FBXL13: variants seen among roughly 807,000 people sequenced by gnomAD.
FBXL13 encodes the protein F-box and leucine rich repeat protein 13, also known as F-box and leucine-rich repeat protein 13.
A neutral mutation model predicts 83.6 loss-of-function variants in FBXL13; 67 were observed. The observed-to-expected ratio is 0.80, with a 90% CI of 0.66 to 0.98. The LOEUF (loss-of-function observed/expected upper bound fraction) is 0.98. Among genes scored for constraint, FBXL13 ranks in the 50% least tolerant of loss-of-function variants. The pLI is 0.00. For missense variants in FBXL13, 822 were observed against 866.5 expected, an observed-to-expected ratio of 0.95 and a Z score of 0.64; for synonymous variants, 272 against 299.5, an observed-to-expected ratio of 0.91 and a Z score of 0.95.
At chr7:103,006,126 C>A (rs529695327) in intron 6 of FBXL13, among the ~76,000 whole-genome samples, 1 of 152,122 alleles carries the variant, frequency 6.6e-6, no homozygotes, top group Non-Finnish European at 1.5e-5. Context: ...TACTTGGGGG[C>A]GTATATTAGC....
rs1171842888 is a variant in FBXL13 at position 102,834,382 on chromosome 7, ATATATATATATATTATATGCGAT to A, written c.1720-1431_1720-1409del. Among the ~76,000 whole-genome samples, 12 of 143,384 alleles carry A rather than the reference ATATATATATATATTATATGCGAT, an allele frequency of 8.4e-5. 1 individual carries two copies. The highest frequency in any genetic ancestry group is 3.2e-4 in the African/African-American group (12 of 37,588). 94.1% of individuals were successfully genotyped at this position (143,384 alleles called of 152,430 possible). A position where few individuals can be genotyped will look rare whatever the true frequency, so the allele number is the denominator to read the frequency against. On this transcript the variant is annotated intron_variant, in intron 17 of 19. Transcript: ENST00000313221. The stretch of plus-strand genomic sequence containing the variant: ...GATACTTCTTATTTATATATAAATT[ATATATATATATATTATATGCGAT>A]TATATATATATTATATATATGTGTG...
intron 8 of FBXL13, among the ~76,000 whole-genome samples, chr7:102,936,543 T>A: frequency 6.6e-6 from 1 of 152,226 alleles, no homozygotes; most frequent in South Asian, 2.1e-4. Context: ...GAGTCCTTAG[T>A]GCTTCATGCT....
chr7:102,992,059 C>T (rs997237829), intron 6 of FBXL13, among the ~76,000 whole-genome samples: 1 of 151,988 alleles, frequency 6.6e-6, no homozygotes, highest in Admixed American at 6.5e-5. Context: ...TTTTAATTTC[C>T]CACTGATACT....
At chr7:103,032,813 C>T (rs1007046229) in intron 2 of FBXL13, among the ~76,000 whole-genome samples, 6 of 152,138 alleles carry the variant, frequency 3.9e-5, no homozygotes, top group Non-Finnish European at 7.4e-5. Flanking sequence ...GAGGATCCCT[C>T]GAGCTCACGA....
At chr7:102,856,585 T>C (rs1265361004) in intron 16 of FBXL13, among the ~76,000 whole-genome samples, 1 of 152,194 alleles carries the variant, frequency 6.6e-6, no homozygotes, top group African/African-American at 2.4e-5. Flanking sequence ...AAAATTAAAA[T>C]ATTAAAACAG....
rs1176327454 is a variant in FBXL13 at position 102,923,684 on chromosome 7, C to T, written c.878+2590G>A. 3.3e-5 allele frequency among the ~76,000 whole-genome samples: 5 copies of T among 151,766 alleles called. No homozygotes were observed. The East Asian group carries it at 7.8e-4, about 24-fold the overall frequency. ...AAAAATACAAAAAAACTTAGCCAGG[C>T]GTGGTGGCGGGCGCCTGTAATCCCA... On this transcript the variant is annotated intron_variant, in intron 10 of 19. Transcript: ENST00000313221.
chr7:103,058,621 C>A (rs1330777126), intron 1 of FBXL13, among the ~76,000 whole-genome samples: 8 of 152,120 alleles, frequency 5.3e-5, no homozygotes, highest in Admixed American at 5.2e-4. Context: ...TTCTGGCACC[C>A]TGAGGACATC....
intron 5 of FBXL13, among the ~76,000 whole-genome samples, chr7:103,026,822 C>A (rs1451528297): frequency 6.6e-6 from 1 of 152,048 alleles, no homozygotes. Flanking sequence ...TCCTATCTAC[C>A]CTTACTTTAT....
At chr7:102,992,788 A>G (rs115032154) in intron 6 of FBXL13, among the ~76,000 whole-genome samples, 1,677 of 152,234 alleles carry the variant, frequency 0.011, 35 homozygotes, top group African/African-American at 0.039. Context: ...TGTATTTTTC[A>G]TAGAGACACA....
chr7:103,070,392 C>T (rs1798832915), intron 1 of FBXL13, among the ~76,000 whole-genome samples: 1 of 152,016 alleles, frequency 6.6e-6, no homozygotes, highest in Admixed American at 6.6e-5. Context: ...CCACACCTGG[C>T]AAATTTTTGT....
intron 17 of FBXL13, among the ~76,000 whole-genome samples, chr7:102,842,318 A>G (rs1210545148): frequency 6.6e-6 from 1 of 152,218 alleles, no homozygotes; most frequent in Non-Finnish European, 1.5e-5. Flanking sequence ...TAATTACTGA[A>G]TGACTTAATC....
intron 8 of FBXL13, among the ~76,000 whole-genome samples, chr7:102,940,217 GT>G (rs200641926): frequency 2.4e-4 from 28 of 117,526 alleles, no homozygotes; most frequent in African/African-American, 2.9e-4. Flanking sequence ...TTTTTTGTTT[GT>G]TTTTTTTTTT....
chr7:102,983,418 TC>T (rs111469735), intron 6 of FBXL13, among the ~76,000 whole-genome samples: 24,844 of 136,736 alleles, frequency 0.18, 2,827 homozygotes, highest in East Asian at 0.57. Flanking sequence ...TTTTCTTTTT[TC>T]CCCTTTTTTT....
chr7:103,038,587 G>A (rs112446502), intron 2 of FBXL13, among the ~76,000 whole-genome samples: 10 of 151,992 alleles, frequency 6.6e-5, no homozygotes, highest in African/African-American at 2.2e-4. Flanking sequence ...TCAAACAGGC[G>A]GGTGCCCCTC....
chr7:102,947,325 A>AT (rs1170901053), intron 8 of FBXL13, among the ~76,000 whole-genome samples: 1 of 152,210 alleles, frequency 6.6e-6, no homozygotes, highest in African/African-American at 2.4e-5. Flanking sequence ...TGTTCTCAGT[A>AT]TAATTTTTAG....
intron 1 of FBXL13, among the ~76,000 whole-genome samples, chr7:103,070,269 TCA>T (rs1219869183): frequency 6.6e-6 from 1 of 152,116 alleles, no homozygotes; most frequent in African/African-American, 2.4e-5. Flanking sequence ...TCTCACTCCA[TCA>T]CCCAGGCTGG....
chr7:103,045,492 T>G (rs1320946617), intron 2 of FBXL13, among the ~76,000 whole-genome samples: 3 of 152,226 alleles, frequency 2.0e-5, no homozygotes, highest in African/African-American at 7.2e-5. Flanking sequence ...TTATTTGGTC[T>G]TGAAACATAC....
At chr7:102,892,909 G>A (rs1200755890) in intron 11 of FBXL13, among the ~76,000 whole-genome samples, 1 of 152,034 alleles carries the variant, frequency 6.6e-6, no homozygotes, top group Non-Finnish European at 1.5e-5. Context: ...CATGGTGAGA[G>A]TATTTACACC....
chr7:103,046,485 A>G (rs1796292138), intron 2 of FBXL13, among the ~76,000 whole-genome samples: 1 of 152,206 alleles, frequency 6.6e-6, no homozygotes, highest in Admixed American at 6.5e-5. Context: ...GTGGGCTAAG[A>G]GGAGTTTTGA....
Sources: gnomAD v4.1 joint callset for allele counts (sites outside exome capture counted in the v4.1 genomes callset) on GRCh38, gnomAD v4.1.1 for gene constraint, MANE v1.5 for transcripts, NCBI Gene and HGNC (gene_info 2026-07-23, HGNC 2026-07-21) for gene names.